The following KLHL5 variants were observed in gnomAD, a reference collection of about 807,000 sequenced individuals.
KLHL5 encodes the protein kelch like family member 5, also known as kelch-like protein 5.
A neutral mutation model predicts 77.7 loss-of-function variants in KLHL5; 48 were observed. The ratio of observed to expected loss-of-function variants is 0.62; its 90% confidence interval spans 0.49 to 0.79. The LOEUF (loss-of-function observed/expected upper bound fraction) is 0.79. Among genes scored for constraint, KLHL5 ranks in the 30% least tolerant of loss-of-function variants. KLHL5 has a pLI of 0.00. For missense variants in KLHL5, 723 were observed against 859.7 expected, an observed-to-expected ratio of 0.84 and a Z score of 1.99; for synonymous variants, 260 against 297.0, an observed-to-expected ratio of 0.88 and a Z score of 1.28.
At position 39,096,741 on chromosome 4, in the gene KLHL5, G is replaced by T. The variant is rs746825635; in HGVS notation, c.1163G>T (p.Cys388Phe). The change falls in exon 6 of 11, where the codon TGT becomes TTT. Residue 388 changes from cysteine (C) to phenylalanine (F), a missense_variant. Cys to Phe is a radical substitution (Grantham distance 205). Transcript: ENST00000504108. ...GTACTTTTTCGGGATGATATAGAAT[G>T]TCAGAAACTCATTATGGAAGCAATG... Reference protein sequence around the residue: ...NNVLFRDDIECQKLIMEAMKY... With the variant: ...NNVLFRDDIEFQKLIMEAMKY... The T allele has an allele frequency of 2.5e-6, 4 of 1,613,244 alleles. No individual in the cohort carries two copies. Among genetic ancestry groups the T allele is most frequent in the Non-Finnish European group, 3.4e-6 (4 of 1,179,278 alleles).
At chr4:39,132,343 T>C in the KLHL5 span, among the ~76,000 whole-genome samples, 1 of 152,192 alleles carries the variant, frequency 6.6e-6, no homozygotes, top group Admixed American at 6.5e-5. Flanking sequence ...GCGTGTTGGC[T>C]CACTCTTGTA....
In KLHL5 at chr4:39,121,092, G is replaced by A; in HGVS notation, c.*26G>A. ...TTTAGTGCCCCGTTTTCTACATGAA[G>A]ACACCGTCTTCCTTTATTAATTTAG... is the stretch of plus-strand genomic sequence containing the variant. On this transcript the variant is annotated 3_prime_UTR_variant, in exon 11 of 11. Coordinates refer to ENST00000504108, the MANE Select transcript of KLHL5 (RefSeq NM_015990.5). The A allele has an allele frequency of 6.7e-7, 1 of 1,500,184 alleles. No individual in the cohort carries two copies. Among genetic ancestry groups the A allele is most frequent in the Non-Finnish European group, 9.3e-7 (1 of 1,075,910 alleles). 92.9% of individuals were successfully genotyped at this position (1,500,184 alleles called of 1,614,324 possible). A position where few individuals can be genotyped will look rare whatever the true frequency, so the allele number is the denominator to read the frequency against.
intron 8 of KLHL5, among the ~76,000 whole-genome samples, chr4:39,111,696 CAG>C (rs1722465375): frequency 6.6e-6 from 1 of 152,054 alleles, no homozygotes. Context: ...AAGTTTTTAA[CAG>C]ATAAAAAGTT....
At chr4:39,063,974 T>A (rs945872571) in intron 1 of KLHL5, among the ~76,000 whole-genome samples, 1 of 152,168 alleles carries the variant, frequency 6.6e-6, no homozygotes, top group African/African-American at 2.4e-5. Flanking sequence ...AAGGCACAAA[T>A]AGCTTATCAT....
At chr4:39,057,712 G>A (rs953173580), upstream of KLHL5, among the ~76,000 whole-genome samples, 2 of 152,084 alleles carry the variant, frequency 1.3e-5, no homozygotes, top group African/African-American at 4.8e-5. Context: ...TGCTGGGTTA[G>A]TATGGTAAAA....
At chr4:39,103,149 C>G in intron 6 of KLHL5, 138 bp from the exon 7 acceptor site, 1 of 728,850 alleles carries the variant, frequency 1.4e-6, no homozygotes, top group Non-Finnish European at 2.2e-6. Context: ...GAGGCTAGAT[C>G]ATGCAGGACC....
chr4:39,082,139 G>A lies in KLHL5; in HGVS notation c.880G>A (p.Val294Met), dbSNP rs1192608015. ...CCAAGGTTGTACAGATTTGCATAAAGTGGCTCACAATTATACTATGGTATG... is the reference window on the plus strand; with the variant it reads ...CCAAGGTTGTACAGATTTGCATAAAATGGCTCACAATTATACTATGGTATG... ...DAQGCTDLHK[V>M]AHNYTMEHFM... Residue 294 changes from valine to methionine, a missense_variant, in exon 4 of 11, where the codon GTG becomes ATG. Val to Met is a conservative substitution (Grantham distance 21). Around this residue, in one of 3 missense-constraint regions of KLHL5, gnomAD observed 288 missense variants for 400.3 expected, o/e 0.72. Coordinates refer to ENST00000504108, the MANE Select transcript of KLHL5 (RefSeq NM_015990.5). The A allele has an allele frequency of 4.4e-6, 7 of 1,606,350 alleles. No individual in the cohort carries two copies. Among genetic ancestry groups the A allele is most frequent in the Non-Finnish European group, 5.1e-6 (6 of 1,177,502 alleles).
chr4:39,089,097 G>A (rs566126016), intron 5 of KLHL5, among the ~76,000 whole-genome samples: 10 of 152,140 alleles, frequency 6.6e-5, no homozygotes, highest in Non-Finnish European at 1.3e-4. Context: ...ATGGATCTGA[G>A]GGGTCAAAGC....
At chr4:39,106,471 T>G (rs1179632281) in intron 7 of KLHL5, among the ~76,000 whole-genome samples, 1 of 152,246 alleles carries the variant, frequency 6.6e-6, no homozygotes, top group Non-Finnish European at 1.5e-5. Flanking sequence ...TATATTCTAT[T>G]GAGTGCCCGG....
At chr4:39,096,944 A>T in intron 6 of KLHL5, 66 bp downstream of exon 6, 2 of 1,311,848 alleles carry the variant, frequency 1.5e-6, no homozygotes, top group Non-Finnish European at 2.2e-6. Flanking sequence ...AAGTGTATAT[A>T]TGGCCAAAGA....
At chr4:39,066,040 G>A (rs1232797733) in intron 1 of KLHL5, among the ~76,000 whole-genome samples, 1 of 152,130 alleles carries the variant, frequency 6.6e-6, no homozygotes, top group Non-Finnish European at 1.5e-5. Flanking sequence ...TAGACTTCTG[G>A]TAATTTCTAC....
At chr4:39,092,212 C>A (rs1006256075) in intron 5 of KLHL5, among the ~76,000 whole-genome samples, 5 of 152,016 alleles carry the variant, frequency 3.3e-5, no homozygotes, top group Admixed American at 3.3e-4. Context: ...ATGCAGAGTT[C>A]ATGAAAGTAT....
At chr4:39,046,048 T>C (rs1716160515) in intron 1 of KLHL5, among the ~76,000 whole-genome samples, 1 of 152,026 alleles carries the variant, frequency 6.6e-6, no homozygotes, top group African/African-American at 2.4e-5. Flanking sequence ...TTTTTTTTTT[T>C]TTCTGGTTTT....
At chr4:39,074,813 T>A (rs528751020) in intron 1 of KLHL5, among the ~76,000 whole-genome samples, 2 of 152,292 alleles carry the variant, frequency 1.3e-5, no homozygotes, top group Non-Finnish European at 2.9e-5. Flanking sequence ...GTCACAACCA[T>A]CATATCCTTA....
intron 1 of KLHL5, among the ~76,000 whole-genome samples, chr4:39,068,145 A>T (rs1053711474): frequency 3.9e-5 from 6 of 152,272 alleles, no homozygotes; most frequent in African/African-American, 1.4e-4. Context: ...ACAAGAGGTT[A>T]TCTGCATAAT....
the KLHL5 span, among the ~76,000 whole-genome samples, chr4:39,136,306 CCCA>C: frequency 4.6e-5 from 7 of 151,964 alleles, no homozygotes; most frequent in South Asian, 2.1e-4. Context: ...ATTACAGGTG[CCCA>C]CCACCAAGTC....
chr4:39,114,719 G>A (rs563589552), intron 9 of KLHL5, among the ~76,000 whole-genome samples: 6 of 152,292 alleles, frequency 3.9e-5, no homozygotes, highest in East Asian at 3.9e-4. Flanking sequence ...ACAGATTTTA[G>A]GGGCAGTATC....
At chr4:39,111,434 A>T (rs1204873618) in intron 8 of KLHL5, among the ~76,000 whole-genome samples, 1 of 152,200 alleles carries the variant, frequency 6.6e-6, no homozygotes, top group Non-Finnish European at 1.5e-5. Flanking sequence ...CATTCTTTAC[A>T]ATAAAGTCCC....
chr4:39,132,751 G>A, the KLHL5 span, among the ~76,000 whole-genome samples: 70,745 of 152,060 alleles, frequency 0.47, 18,946 homozygotes, highest in Non-Finnish European at 0.59. Context: ...CAAGGGAAAC[G>A]CCCTAGCTAC....
Sources: allele counts gnomAD v4.1 joint callset (sites outside exome capture counted in the v4.1 genomes callset), GRCh38; gene constraint gnomAD v4.1.1; regional missense constraint gnomAD v4.1.1; transcripts MANE v1.5; gene names NCBI Gene and HGNC (gene_info 2026-07-23, HGNC 2026-07-21).